LGR6: variants seen among roughly 807,000 people sequenced by gnomAD.
The protein encoded by LGR6 is leucine rich repeat containing G protein-coupled receptor 6, also known as leucine-rich repeat-containing G protein-coupled receptor 6.
A neutral mutation model predicts 69.4 loss-of-function variants in LGR6; 45 were observed. That is an observed-to-expected ratio of 0.65 (90% CI 0.51 to 0.83). LGR6 has a LOEUF of 0.83. Ranked by LOEUF, LGR6 falls within the 40% of genes least tolerant of loss-of-function variation. LGR6 has a pLI of 0.00. For missense variants in LGR6, 1,108 were observed against 1,246.7 expected (o/e 0.89, Z 1.68); for synonymous variants, 538 against 555.0 (o/e 0.97, Z 0.43).
intron 17 of LGR6, among the ~76,000 whole-genome samples, chr1:202,316,306 A>G (rs1410575667): frequency 6.6e-6 from 1 of 152,190 alleles, no homozygotes; most frequent in Non-Finnish European, 1.5e-5. Flanking sequence ...GGGAGTGGGT[A>G]TGTGCAAATA....
In LGR6 at chr1:202,314,855, C is replaced by A; in HGVS notation, c.1621C>A (p.Pro541Thr). 1 of 1,614,032 alleles carries A rather than the reference C, an allele frequency of 6.2e-7. No homozygotes were observed. The highest frequency in any genetic ancestry group is 8.5e-7 in the Non-Finnish European group (1 of 1,179,922). ...QLEMEDSKPH[P>T]SVQCSPTPGP... ...GGAGATGGAGGACTCAAAGCCACAC[C>A]CCAGTGTCCAGTGTAGCCCTACTCC... The change falls in exon 17 of 18, where the codon CCC becomes ACC. Residue 541 changes from proline to threonine, a missense_variant. Pro to Thr is a conservative substitution (Grantham distance 38). Transcript: ENST00000367278.
At position 202,310,381 on chromosome 1, in the gene LGR6, T is replaced by A. The variant is rs370877983; in HGVS notation, c.1567+24T>A. The A allele has an allele frequency of 1.9e-6, 3 of 1,611,002 alleles. No homozygotes were observed. In the African/African-American group the frequency reaches 4.0e-5, roughly 22 times the overall value. On this transcript the variant is annotated intron_variant, in intron 16 of 17. Transcript: ENST00000367278. ...CTGTGAGTGACCAGGGGCCCTGGGT[T>A]GGGGAGGGTAGTGGGCTGTGGAGAG...
chr1:202,233,803 G>A (rs566272216), intron 3 of LGR6, among the ~76,000 whole-genome samples: 5 of 152,238 alleles, frequency 3.3e-5, no homozygotes, highest in Non-Finnish European at 7.4e-5. Context: ...GCTTTACAGC[G>A]GTGATTTTAT....
At chr1:202,269,153 G>A (rs189297001) in intron 4 of LGR6, among the ~76,000 whole-genome samples, 73 of 152,120 alleles carry the variant, frequency 4.8e-4, no homozygotes, top group African/African-American at 1.5e-3. Flanking sequence ...CAATCCTCCC[G>A]CCTGAGCCTC....
chr1:202,265,917 A>T (rs574584886), intron 4 of LGR6, among the ~76,000 whole-genome samples: 26 of 152,282 alleles, frequency 1.7e-4, no homozygotes, highest in African/African-American at 6.3e-4. Flanking sequence ...CAAAGTGGGC[A>T]CTTGGGTAAA....
At position 202,304,469 on chromosome 1, in the gene LGR6, C is replaced by T. The variant is rs992778947; in HGVS notation, c.999-90C>T. On this transcript the variant is annotated intron_variant, in intron 10 of 17. Coordinates refer to ENST00000367278, the MANE Select transcript of LGR6 (RefSeq NM_001017403.2). Reference sequence around the variant, plus strand: ...CTCTTTTGTTAGCTCCGTCATCCCACGACAGTATCAGGTCCAGAGCTGGAG... The same window carrying T: ...CTCTTTTGTTAGCTCCGTCATCCCATGACAGTATCAGGTCCAGAGCTGGAG... 22 of 880,668 alleles carry T rather than the reference C, an allele frequency of 2.5e-5. No homozygotes were observed. The Admixed American group carries it at 3.0e-4, about 12-fold the overall frequency. The allele number at this position is 880,668 out of a possible 1,614,324, so 54.6% of individuals were successfully genotyped here.
intron 4 of LGR6, among the ~76,000 whole-genome samples, chr1:202,264,416 C>T (rs775908933): frequency 3.3e-5 from 5 of 152,172 alleles, no homozygotes; most frequent in Non-Finnish European, 5.9e-5. Flanking sequence ...AGAAGCAAGT[C>T]GGGAAGATCT....
intron 4 of LGR6, among the ~76,000 whole-genome samples, chr1:202,257,105 A>G (rs1056737490): frequency 2.6e-5 from 4 of 152,246 alleles, no homozygotes; most frequent in African/African-American, 4.8e-5. Flanking sequence ...TATTAAAGAC[A>G]TAAGTCCCTT....
chr1:202,317,108 T>G (rs930502221), intron 17 of LGR6, among the ~76,000 whole-genome samples: 1 of 152,186 alleles, frequency 6.6e-6, no homozygotes, highest in African/African-American at 2.4e-5. Flanking sequence ...GAGGACTTAG[T>G]GGATCACTGG....
rs111978865 is a variant in LGR6 at position 202,317,626 on chromosome 1, G to T, written c.1649-326G>T. Among the ~76,000 whole-genome samples, 1,040 of 152,308 alleles carry T rather than the reference G, an allele frequency of 6.8e-3. 8 individuals carry two copies. Among genetic ancestry groups the T allele is most frequent in the Middle Eastern group, 0.037 (11 of 294 alleles). On this transcript the variant is annotated intron_variant, in intron 17 of 17. Coordinates refer to ENST00000367278, the MANE Select transcript of LGR6 (RefSeq NM_001017403.2). ...CTCCGGAAGTGCTGGAATTATAGTC[G>T]TGAGCCACCATGCCTGGCCTATATG...
At chr1:202,310,488 C>A in intron 16 of LGR6, 131 bp downstream of exon 16, 1 of 830,286 alleles carries the variant, frequency 1.2e-6, no homozygotes, top group Non-Finnish European at 1.8e-6. Context: ...GTGGGAGGAG[C>A]TGCCTGTGAC....
intron 6 of LGR6, among the ~76,000 whole-genome samples, chr1:202,282,119 G>A (rs964492723): frequency 2.0e-5 from 3 of 152,178 alleles, no homozygotes; most frequent in African/African-American, 4.8e-5. Context: ...CTCACCCTCC[G>A]GAAGACTGAG....
intron 17 of LGR6, among the ~76,000 whole-genome samples, chr1:202,315,937 G>A (rs1471727661): frequency 6.6e-6 from 1 of 152,230 alleles, no homozygotes; most frequent in Non-Finnish European, 1.5e-5. Context: ...AAAAGAGGAA[G>A]TTCCAAAAGA....
At chr1:202,251,715 C>G (rs1471542489) in intron 4 of LGR6, among the ~76,000 whole-genome samples, 1 of 152,218 alleles carries the variant, frequency 6.6e-6, no homozygotes, top group Non-Finnish European at 1.5e-5. Flanking sequence ...AGGCCAGCAT[C>G]CTCCCCTGGC....
intron 4 of LGR6, 165 bp downstream of exon 4, chr1:202,236,158 T>G: frequency 4.8e-6 from 3 of 630,356 alleles, no homozygotes. Context: ...CGGGGTTTTC[T>G]GTTGTCATCA....
chr1:202,227,767 T>G (rs1660672312), intron 2 of LGR6, among the ~76,000 whole-genome samples, 169 bp from the exon 3 acceptor site: 1 of 152,222 alleles, frequency 6.6e-6, no homozygotes, highest in South Asian at 2.1e-4. Flanking sequence ...ACAGGATTAT[T>G]GTGAGAACTG....
intron 4 of LGR6, among the ~76,000 whole-genome samples, chr1:202,247,185 G>C (rs1373671698): frequency 1.3e-5 from 2 of 152,260 alleles, no homozygotes; most frequent in Non-Finnish European, 2.9e-5. Context: ...TGCACAGCTA[G>C]GTTTGGGAGC....
intron 4 of LGR6, among the ~76,000 whole-genome samples, chr1:202,269,423 C>G (rs1326106530): frequency 6.6e-6 from 1 of 152,190 alleles, no homozygotes; most frequent in Non-Finnish European, 1.5e-5. Context: ...GCATCTGAAA[C>G]AGAACCTTTG....
intron 16 of LGR6, among the ~76,000 whole-genome samples, chr1:202,311,191 A>G (rs931584273): frequency 3.3e-5 from 5 of 152,170 alleles, no homozygotes; most frequent in Non-Finnish European, 5.9e-5. Context: ...ACTCTCCACA[A>G]TATTTCAATG....
Sources: gnomAD v4.1 joint callset for allele counts (sites outside exome capture counted in the v4.1 genomes callset) on GRCh38, gnomAD v4.1.1 for gene constraint, MANE v1.5 for transcripts, NCBI Gene and HGNC (gene_info 2026-07-23, HGNC 2026-07-21) for gene names.